NUP88: variants seen among roughly 807,000 people sequenced by gnomAD.
NUP88 encodes the protein nucleoporin 88.
A neutral mutation model predicts 93.9 loss-of-function variants in NUP88; 57 were observed. The ratio of observed to expected loss-of-function variants is 0.61; its 90% confidence interval spans 0.49 to 0.76. The LOEUF (loss-of-function observed/expected upper bound fraction) is 0.76. Ranked by LOEUF, NUP88 falls within the 30% of genes least tolerant of loss-of-function variation. The pLI is 0.00. For synonymous variants in NUP88, 346 were observed against 336.8 expected (o/e 1.03, Z -0.30); for missense variants, 911 against 901.0 (o/e 1.01, Z -0.14).
rs1376858837 is a variant in NUP88, at chr17:5,416,157, A to AGTATAT, written c.467+355_467+356insATATAC. 3.7e-3 allele frequency among the ~76,000 whole-genome samples: 461 copies of AGTATAT among 125,194 alleles called. 5 individuals are homozygous for AGTATAT. Among genetic ancestry groups the AGTATAT allele is most frequent in the Non-Finnish European group, 5.8e-3 (343 of 59,264 alleles). 82.1% of individuals were successfully genotyped at this position (125,194 alleles called of 152,430 possible). On this transcript the variant is annotated intron_variant, in intron 2 of 16. Coordinates refer to ENST00000573584, the MANE Select transcript of NUP88 (RefSeq NM_002532.6). ...AAGACTCCATCTCAAAAAAAAAAAA[A>AGTATAT]AAAAAAAAAGTATATATATATATAC... is the stretch of plus-strand genomic sequence containing the variant.
At chr17:5,396,157 G>A (rs779456564) in intron 8 of NUP88, among the ~76,000 whole-genome samples, 1 of 152,060 alleles carries the variant, frequency 6.6e-6, no homozygotes, top group Non-Finnish European at 1.5e-5. Flanking sequence ...GTTGTGGTGA[G>A]CCAAGATCAT....
chr17:5,399,190 C>CTTTT (rs536801907), intron 8 of NUP88, among the ~76,000 whole-genome samples: 3 of 123,472 alleles, frequency 2.4e-5, no homozygotes, highest in South Asian at 5.2e-4. Flanking sequence ...CGCACCCGGC[C>CTTTT]TTTTTTTTTT....
intron 2 of NUP88, among the ~76,000 whole-genome samples, chr17:5,416,182 C>CACAT (rs1555530303): frequency 2.1e-4 from 19 of 90,872 alleles, no homozygotes; most frequent in African/African-American, 6.9e-4. Context: ...TATATATATA[C>CACAT]ACACATACAC....
chr17:5,393,289 G>A (rs868600491), intron 9 of NUP88, among the ~76,000 whole-genome samples: 1 of 151,624 alleles, frequency 6.6e-6, no homozygotes, highest in East Asian at 2.0e-4. Context: ...TTTGTAAAGG[G>A]TCTCACTATG....
At chr17:5,392,597 C>T (rs935295829) in intron 9 of NUP88, among the ~76,000 whole-genome samples, 1 of 152,200 alleles carries the variant, frequency 6.6e-6, no homozygotes, top group African/African-American at 2.4e-5. Flanking sequence ...GGTCAAGAAT[C>T]AGGACACTGC....
chr17:5,415,055 T>C (rs903491074), intron 2 of NUP88, among the ~76,000 whole-genome samples: 1 of 151,586 alleles, frequency 6.6e-6, no homozygotes, highest in Non-Finnish European at 1.5e-5. Context: ...AGTCTCACTC[T>C]GTGGCCCAAG....
Position 5,387,478 on chromosome 17 carries a change from A to G in NUP88, c.1836-12T>C. The G allele has an allele frequency of 1.9e-6, 3 of 1,613,346 alleles. No homozygotes were observed. The highest frequency in any genetic ancestry group is 2.5e-6 in the Non-Finnish European group (3 of 1,179,250). On this transcript the variant is annotated splice_polypyrimidine_tract_variant and intron_variant, in intron 13 of 16. Coordinates refer to ENST00000573584, the MANE Select transcript of NUP88 (RefSeq NM_002532.6). The stretch of plus-strand genomic sequence containing the variant: ...CCCGCAGACTTTTCCTAATGATGTA[A>G]GACACAAGAGACTCTTGAGGTCCAC...
At chr17:5,402,324 A>C (rs924557426) in intron 7 of NUP88, among the ~76,000 whole-genome samples, 7 of 152,144 alleles carry the variant, frequency 4.6e-5, no homozygotes, top group African/African-American at 1.7e-4. Flanking sequence ...AAAAACAAAA[A>C]ACAAAATACA....
At position 5,388,978 on chromosome 17, in the gene NUP88, A is replaced by G. The variant is rs200726734; in HGVS notation, c.1485-18T>C. 4.5e-5 allele frequency: 71 copies of G among 1,584,338 alleles called. No individual in the cohort carries two copies. In the Middle Eastern group the frequency reaches 2.0e-3, roughly 45 times the overall value. ...CTGTACTTCTGCAAAATAAGTAAGT[A>G]AATTGAATTCTACCATGGAGTGATT... On this transcript the variant is annotated intron_variant, in intron 10 of 16. Transcript: ENST00000573584.
intron 3 of NUP88, among the ~76,000 whole-genome samples, chr17:5,412,475 TA>T (rs1256907185): frequency 2.0e-5 from 3 of 152,168 alleles, no homozygotes; most frequent in Non-Finnish European, 4.4e-5. Context: ...CGTTCAGTAC[TA>T]TCTACAGTTT....
At position 5,388,968 on chromosome 17, in the gene NUP88, A is replaced by AT. The variant is rs1912236698; in HGVS notation, c.1485-9dup. ...GCTGGATGGACTGTACTTCTGCAAAATAAGTAAGTAAATTGAATTCTACCA... is the reference window on the plus strand; with the variant it reads ...GCTGGATGGACTGTACTTCTGCAAAATTAAGTAAGTAAATTGAATTCTACCA... On this transcript the variant is annotated splice_polypyrimidine_tract_variant and intron_variant, in intron 10 of 16. Coordinates refer to ENST00000573584, the MANE Select transcript of NUP88 (RefSeq NM_002532.6). 2.5e-6 allele frequency: 4 copies of AT among 1,591,622 alleles called. No homozygotes were observed. The highest frequency in any genetic ancestry group is 3.4e-6 in the Non-Finnish European group (4 of 1,168,622).
chr17:5,408,906 C>T lies in NUP88; in HGVS notation c.684G>A (p.Arg228=). 1.9e-6 allele frequency: 3 copies of T among 1,562,698 alleles called. No individual in the cohort carries two copies. Among genetic ancestry groups the T allele is most frequent in the Non-Finnish European group, 1.7e-6 (2 of 1,159,688 alleles). Residue 228 remains arginine, a synonymous_variant, in exon 5 of 17, where the codon AGG becomes AGA. Coordinates refer to ENST00000573584, the MANE Select transcript of NUP88 (RefSeq NM_002532.6). ...EEESLVLNKG[R]AYTASLGETA... ...TCTCTCCTAGAGATGCGGTATACGC[C>T]CTTCTGGAAAGAGATGTAAAAACCA...
chr17:5,416,715 A>C (rs760819144), intron 1 of NUP88, 33 bp from the exon 2 acceptor site: 2 of 1,556,764 alleles, frequency 1.3e-6, no homozygotes, highest in Non-Finnish European at 1.7e-6. Context: ...CAACATAGTT[A>C]ATTTTAATTT....
intron 9 of NUP88, among the ~76,000 whole-genome samples, chr17:5,392,788 T>C (rs532875476): frequency 3.3e-5 from 5 of 152,310 alleles, no homozygotes; most frequent in African/African-American, 4.8e-5. Context: ...TTGATATAAA[T>C]GGGATTTTGG....
intron 3 of NUP88, among the ~76,000 whole-genome samples, chr17:5,411,963 A>T (rs1913868009): frequency 1.3e-5 from 2 of 152,214 alleles, no homozygotes; most frequent in Admixed American, 6.5e-5. Context: ...CATAAATACT[A>T]GGCAATAATG....
intron 11 of NUP88, 33 bp downstream of exon 11, chr17:5,388,769 A>G: frequency 1.3e-6 from 2 of 1,591,300 alleles, no homozygotes; most frequent in Non-Finnish European, 8.6e-7. Flanking sequence ...AAGAGAACCC[A>G]TTCATAAAAC....
At chr17:5,411,761 GA>G (rs528884543) in intron 3 of NUP88, among the ~76,000 whole-genome samples, 11 of 152,236 alleles carry the variant, frequency 7.2e-5, no homozygotes, top group African/African-American at 2.2e-4. Context: ...TGTCATTTTA[GA>G]AATCCAGTGT....
intron 7 of NUP88, among the ~76,000 whole-genome samples, chr17:5,400,515 A>C (rs1470787420): frequency 6.6e-6 from 1 of 151,882 alleles, no homozygotes; most frequent in African/African-American, 2.4e-5. Flanking sequence ...AAAAAAAAAA[A>C]AACTCAATCC....
chr17:5,394,834 C>G, intron 9 of NUP88, 57 bp downstream of exon 9: 1 of 1,181,444 alleles, frequency 8.5e-7, no homozygotes, highest in South Asian at 1.2e-5. Context: ...ACAAACGTAT[C>G]TGAACTGCTG....
Sources: gnomAD v4.1 joint callset for allele counts (sites outside exome capture counted in the v4.1 genomes callset) on GRCh38, gnomAD v4.1.1 for gene constraint, MANE v1.5 for transcripts, NCBI Gene and HGNC (gene_info 2026-07-23, HGNC 2026-07-21) for gene names.